The following NIM1K variants were observed in gnomAD, a reference collection of about 807,000 sequenced individuals.
The protein encoded by NIM1K is NIM1 serine/threonine protein kinase.
A neutral mutation model predicts 37.1 loss-of-function variants in NIM1K; 35 were observed. The ratio of observed to expected loss-of-function variants is 0.94; its 90% CI spans 0.72 to 1.25. NIM1K has a LOEUF of 1.25. NIM1K is among the 50% of genes most tolerant of loss of function. NIM1K has a pLI of 0.00. For synonymous variants in NIM1K, 234 were observed against 206.6 expected, an observed-to-expected ratio of 1.13 and a Z score of -1.14; for missense variants, 564 against 548.0, an observed-to-expected ratio of 1.03 and a Z score of -0.29.
chr5:43,274,719 G>GGGGC (rs1387975951), intron 2 of NIM1K, among the ~76,000 whole-genome samples: 5 of 152,196 alleles, frequency 3.3e-5, no homozygotes, highest in Admixed American at 3.3e-4. Context: ...CCTCCTGCGA[G>GGGGC]GGGCGGGCTG....
intron 2 of NIM1K, among the ~76,000 whole-genome samples, chr5:43,249,963 C>T (rs1183295209): frequency 2.7e-5 from 4 of 150,696 alleles, no homozygotes; most frequent in Non-Finnish European, 5.9e-5. Flanking sequence ...TGCCGTTCTC[C>T]TGCCTCAACC....
intron 2 of NIM1K, among the ~76,000 whole-genome samples, chr5:43,269,562 C>A (rs1289719134): frequency 1.3e-5 from 2 of 151,828 alleles, no homozygotes; most frequent in African/African-American, 4.8e-5. Flanking sequence ...TTCTCCTCAT[C>A]ATGTTGATTA....
At chr5:43,269,308 C>CA (rs1359809549) in intron 2 of NIM1K, among the ~76,000 whole-genome samples, 14,009 of 55,508 alleles carry the variant, frequency 0.25, 3,251 homozygotes, top group African/African-American at 0.31. Flanking sequence ...GACTTCATCT[C>CA]AAAAAAAAAA....
intron 1 of NIM1K, among the ~76,000 whole-genome samples, chr5:43,224,741 G>C (rs1188380471): frequency 7.0e-6 from 1 of 143,864 alleles, no homozygotes; most frequent in East Asian, 2.0e-4. Flanking sequence ...CTGTCACCCA[G>C]GCTTGGGGGC....
rs180846591 is a variant in NIM1K, at chr5:43,207,951, A to G, written c.-695+15540A>G. 527 of 606,532 alleles carry G rather than the reference A, an allele frequency of 8.7e-4. 1 individual carries two copies. In the Middle Eastern group the frequency reaches 0.027, roughly 31 times the overall value. 37.6% of individuals were successfully genotyped at this position (606,532 alleles called of 1,614,324 possible). A position where few individuals can be genotyped will look rare whatever the true frequency, so the allele number is the denominator to read the frequency against. On this transcript the variant is annotated intron_variant, in intron 1 of 3. Coordinates refer to ENST00000326035, the MANE Select transcript of NIM1K (RefSeq NM_153361.4). ...TTTTTAAACTATTATTTTTAATTTT[A>G]AAAAGCAAATGGAAAATCTGTATTT... is the stretch of plus-strand genomic sequence containing the variant.
chr5:43,224,264 C>T (rs951689464), intron 1 of NIM1K, among the ~76,000 whole-genome samples: 5 of 151,882 alleles, frequency 3.3e-5, no homozygotes, highest in Admixed American at 6.6e-5. Context: ...CACCCCCAGT[C>T]GAAGTGTCCC....
At chr5:43,249,205 G>A (rs1752831998) in intron 2 of NIM1K, among the ~76,000 whole-genome samples, 1 of 151,982 alleles carries the variant, frequency 6.6e-6, no homozygotes, top group Non-Finnish European at 1.5e-5. Context: ...GAGTAGCTGG[G>A]ACTACAGGTG....
At chr5:43,242,514 T>A (rs573385105) in intron 1 of NIM1K, among the ~76,000 whole-genome samples, 1 of 151,914 alleles carries the variant, frequency 6.6e-6, no homozygotes, top group Non-Finnish European at 1.5e-5. Context: ...TGATGGACTT[T>A]GGACTAAGCT....
At chr5:43,219,814 CT>C (rs963933429) in intron 1 of NIM1K, among the ~76,000 whole-genome samples, 2 of 144,744 alleles carry the variant, frequency 1.4e-5, no homozygotes, top group African/African-American at 5.2e-5. Context: ...CCTCCGCCCC[CT>C]GGGTTCAAGC....
At chr5:43,264,638 T>A (rs4282322) in intron 2 of NIM1K, among the ~76,000 whole-genome samples, 151,089 of 152,314 alleles carry the variant, frequency 0.99, 74,955 homozygotes, top group Middle Eastern at 1. Flanking sequence ...TAATATTGTT[T>A]TGTGTGAATT....
chr5:43,213,986 T>TC (rs1251040450), intron 1 of NIM1K, among the ~76,000 whole-genome samples: 3 of 150,244 alleles, frequency 2.0e-5, no homozygotes, highest in African/African-American at 7.3e-5. Flanking sequence ...TTTCTTTCTT[T>TC]TTTTTTTTTT....
At chr5:43,278,091 G>A (rs923172879) in intron 3 of NIM1K, among the ~76,000 whole-genome samples, 13 of 148,576 alleles carry the variant, frequency 8.7e-5, no homozygotes, top group African/African-American at 3.0e-4. Context: ...TGTCACCCAG[G>A]ATGGAGTGCA....
chr5:43,202,793 A>G (rs1045099035), intron 1 of NIM1K, among the ~76,000 whole-genome samples: 2 of 152,218 alleles, frequency 1.3e-5, no homozygotes, highest in African/African-American at 4.8e-5. Context: ...AAAGACTGAC[A>G]AGGGATAAAA....
At chr5:43,210,350 T>A (rs772504094) in intron 1 of NIM1K, among the ~76,000 whole-genome samples, 8 of 152,278 alleles carry the variant, frequency 5.3e-5, no homozygotes, top group Non-Finnish European at 1.2e-4. Flanking sequence ...TAAAACCAGT[T>A]TTTATTATTT....
Position 43,245,644 on chromosome 5 carries a change from C to G in NIM1K, c.-132C>G, listed in dbSNP as rs1161914000. 2 of 835,620 alleles carry G rather than the reference C, an allele frequency of 2.4e-6. No individual in the cohort carries two copies. The highest frequency in any genetic ancestry group is 2.5e-5 in the Admixed American group (1 of 40,558). The allele number at this position is 835,620 out of a possible 1,614,324, so 51.8% of individuals were successfully genotyped here. On this transcript the variant is annotated 5_prime_UTR_variant, in exon 2 of 4. Coordinates refer to ENST00000326035, the MANE Select transcript of NIM1K (RefSeq NM_153361.4). ...CACTAAAGCCGAGAGGGAGGCTGCT[C>G]AGCTCTCAGGAAAACTCTTTTGAAC...
At chr5:43,244,563 C>T (rs1274613713) in intron 1 of NIM1K, among the ~76,000 whole-genome samples, 3 of 152,238 alleles carry the variant, frequency 2.0e-5, no homozygotes, top group African/African-American at 7.2e-5. Flanking sequence ...CTGACACCTG[C>T]TCAGAAAAAT....
intron 1 of NIM1K, chr5:43,240,481 A>G (rs780845985): frequency 1.3e-5 from 2 of 151,744 alleles, no homozygotes; most frequent in Non-Finnish European, 2.9e-5. Context: ...CCCCTGTCCA[A>G]CAAGTCCCTT....
chr5:43,235,945 C>T (rs1324897808), intron 1 of NIM1K, among the ~76,000 whole-genome samples: 5 of 151,668 alleles, frequency 3.3e-5, no homozygotes, highest in Admixed American at 2.0e-4. Context: ...AGTTTCACTT[C>T]GCCAGTGTTT....
intron 2 of NIM1K, among the ~76,000 whole-genome samples, chr5:43,265,600 T>C (rs1377310404): frequency 6.6e-6 from 1 of 152,208 alleles, no homozygotes; most frequent in East Asian, 1.9e-4. Context: ...TTATTACCAA[T>C]TGTCTGGAGC....
Sources: allele counts gnomAD v4.1 joint callset (sites outside exome capture counted in the v4.1 genomes callset), GRCh38; gene constraint gnomAD v4.1.1; transcripts MANE v1.5; gene names NCBI Gene and HGNC (gene_info 2026-07-23, HGNC 2026-07-21).